Variants in RXRA observed in about 807,000 individuals in gnomAD.
RXRA encodes the protein retinoid X receptor alpha, also known as retinoic acid receptor RXR-alpha.
RXRA carries 5 observed loss-of-function variants against 44.5 expected under a neutral mutation model. The observed-to-expected ratio is 0.11, with a 90% CI of 0.06 to 0.24. The LOEUF is 0.24. Ranked by LOEUF, RXRA falls within the 10% of genes least tolerant of loss-of-function variation. The pLI, the probability that RXRA is intolerant of heterozygous loss-of-function variation, is 1.00. For missense variants in RXRA, 412 were observed against 646.5 expected (o/e 0.64, Z 3.93); for synonymous variants, 291 against 271.4 (o/e 1.07, Z -0.71).
intron 1 of RXRA, among the ~76,000 whole-genome samples, chr9:134,370,836 C>T (rs1830482788): frequency 6.6e-6 from 1 of 152,224 alleles, no homozygotes; most frequent in South Asian, 2.1e-4. Context: ...GATGAGTGCT[C>T]TCACTCCAGG....
At chr9:134,403,521 C>T (rs999642911) in intron 2 of RXRA, 6 of 152,290 alleles carry the variant, frequency 3.9e-5, no homozygotes, top group African/African-American at 1.4e-4. Context: ...GTCCCAGGGC[C>T]CCAGGATGCC....
chr9:134,408,375 A>G (rs950222015), intron 3 of RXRA, 76 bp downstream of exon 3: 11 of 1,445,830 alleles, frequency 7.6e-6, no homozygotes, highest in East Asian at 2.5e-5. Context: ...GCCTCCCCAA[A>G]TCACCCTCCT....
Position 134,328,744 on chromosome 9 carries a change from G to A in RXRA, c.28+2085G>A, listed in dbSNP as rs575757791. Among the ~76,000 whole-genome samples, 7 of 152,264 alleles carry A rather than the reference G, an allele frequency of 4.6e-5. No individual in the cohort carries two copies. The East Asian group carries it at 5.8e-4, about 13-fold the overall frequency. ...CTGGCTTGTCTTGGCCCGGCTGGCC[G>A]ACCGGTCAGACCTGGAGCTGCTGGG... On this transcript the variant is annotated intron_variant, in intron 1 of 9. Coordinates refer to ENST00000481739, the MANE Select transcript of RXRA (RefSeq NM_002957.6).
At position 134,343,665 on chromosome 9, in the gene RXRA, T is replaced by C. The variant is rs565059977; in HGVS notation, c.28+17006T>C. 3.2e-4 allele frequency among the ~76,000 whole-genome samples: 49 copies of C among 152,212 alleles called. No individual in the cohort carries two copies. In the East Asian group the frequency reaches 7.0e-3, roughly 22 times the overall value. On this transcript the variant is annotated intron_variant, in intron 1 of 9. Transcript: ENST00000481739. This position sits in a 1 kb window ranked among gnomAD's most constrained non-coding sequence, Gnocchi z 4.1. ...CCTGCCCTGTCCCCATCTTGCTCAG[T>C]GGCCAGAGGAGAGACCGTGTGCACT... is the stretch of plus-strand genomic sequence containing the variant.
chr9:134,409,255 TG>T (rs1831108428), intron 4 of RXRA, 136 bp downstream of exon 4: 1 of 904,164 alleles, frequency 1.1e-6, no homozygotes, highest in African/African-American at 1.8e-5. Context: ...AAGGCAGGAG[TG>T]GGGGCGGGGC....
rs1215076148 is a variant in RXRA, at chr9:134,342,667, C to T, written c.28+16008C>T. The stretch of plus-strand genomic sequence containing the variant: ...CTGCGGGAGGAGGCCCCTGTGGTTC[C>T]CACAGGGCCATGTGTGGTCTCCAGG... On this transcript the variant is annotated intron_variant, in intron 1 of 9. Transcript: ENST00000481739. This position sits in a 1 kb window ranked among gnomAD's most constrained non-coding sequence, Gnocchi z 4.4. Among the ~76,000 whole-genome samples the T allele has an allele frequency of 6.6e-6, 1 of 152,128 alleles. No individual in the cohort carries two copies. The highest frequency in any genetic ancestry group is 2.4e-5 in the African/African-American group (1 of 41,418).
intron 1 of RXRA, among the ~76,000 whole-genome samples, chr9:134,360,036 G>A (rs994028676): frequency 3.3e-5 from 5 of 152,238 alleles, no homozygotes; most frequent in Admixed American, 6.5e-5. Context: ...AGCGGTAACC[G>A]GAGGGTGGAG....
At chr9:134,408,362 G>C in intron 3 of RXRA, 63 bp downstream of exon 3, 3 of 1,499,144 alleles carry the variant, frequency 2.0e-6, no homozygotes, top group Non-Finnish European at 2.7e-6. Flanking sequence ...GCAGGGTCTG[G>C]AGGCCTCCCC....
intron 6 of RXRA, chr9:134,427,175 A>C (rs1328131078): frequency 2.2e-5 from 22 of 983,442 alleles, no homozygotes; most frequent in South Asian, 9.4e-5. Flanking sequence ...AAAAACAAAA[A>C]AAAAAAAAAG....
At chr9:134,351,816 G>A (rs1164622484) in intron 1 of RXRA, among the ~76,000 whole-genome samples, 1 of 152,374 alleles carries the variant, frequency 6.6e-6, no homozygotes, top group East Asian at 1.9e-4. Flanking sequence ...GATCAGAGGC[G>A]GGTGTGCGGG....
At position 134,408,154 on chromosome 9, in the gene RXRA, C is replaced by T; in HGVS notation, c.285C>T (p.Ser95=). 1 of 1,561,464 alleles carries T rather than the reference C, an allele frequency of 6.4e-7. No homozygotes were observed. Among genetic ancestry groups the T allele is most frequent in the East Asian group, 2.3e-5 (1 of 43,708 alleles). The change falls in exon 3 of 10, where the codon AGC becomes AGT. Residue 95 remains serine (S), a synonymous_variant. Coordinates refer to ENST00000481739, the MANE Select transcript of RXRA (RefSeq NM_002957.6). ...LGFSTGSPQL[S]SPMNPVSSSE... ...GCTGTGGTTGCCCCCCCCAGCTCAG[C>T]TCACCTATGAACCCCGTCAGCAGCA... is the stretch of plus-strand genomic sequence containing the variant.
At chr9:134,392,886 G>A (rs566261595) in intron 1 of RXRA, among the ~76,000 whole-genome samples, 1 of 152,172 alleles carries the variant, frequency 6.6e-6, no homozygotes, top group East Asian at 1.9e-4. Context: ...ACCCGTCCCT[G>A]GGCAGGCACT....
At chr9:134,400,393 G>T (rs1588287922) in intron 1 of RXRA, among the ~76,000 whole-genome samples, 1 of 152,198 alleles carries the variant, frequency 6.6e-6, no homozygotes, top group South Asian at 2.1e-4. Flanking sequence ...GGTCCTGCTC[G>T]ACTCCCCAGA....
intron 5 of RXRA, among the ~76,000 whole-genome samples, chr9:134,420,322 C>T (rs568221545): frequency 2.2e-4 from 33 of 152,320 alleles, no homozygotes; most frequent in Non-Finnish European, 1.0e-4. Context: ...GCCTGGGGGG[C>T]GCTGTGCACA....
chr9:134,357,621 G>C (rs1304226299), intron 1 of RXRA, among the ~76,000 whole-genome samples: 1 of 152,034 alleles, frequency 6.6e-6, no homozygotes, highest in Non-Finnish European at 1.5e-5. Context: ...CCAAGGGTTC[G>C]GCTGTGGTTT....
At position 134,409,019 on chromosome 9, in the gene RXRA, C is replaced by T. The variant is rs774344157; in HGVS notation, c.510C>T (p.Thr170=). 8 of 1,612,024 alleles carry T rather than the reference C, an allele frequency of 5.0e-6. No individual in the cohort carries two copies. In the African/African-American group the frequency reaches 9.3e-5, roughly 19 times the overall value. ...KRTVRKDLTY[T]CRDNKDCLID... is the part of the protein sequence containing the mutation. Reference sequence around the variant, plus strand: ...CGGTGCGCAAGGACCTGACCTACACCTGCCGCGACAACAAGGACTGCCTGA... The same window carrying T: ...CGGTGCGCAAGGACCTGACCTACACTTGCCGCGACAACAAGGACTGCCTGA... Residue 170 remains threonine, a synonymous_variant, in exon 4 of 10, where the codon ACC becomes ACT. Transcript: ENST00000481739.
At chr9:134,359,853 T>G (rs1830328024) in intron 1 of RXRA, among the ~76,000 whole-genome samples, 2 of 152,162 alleles carry the variant, frequency 1.3e-5, no homozygotes, top group South Asian at 4.1e-4. Context: ...GGGGCTTTGC[T>G]CCCGAGATTG....
In RXRA at chr9:134,342,006, G is replaced by A. The variant is rs1298825427; in HGVS notation, c.28+15347G>A. 6.6e-6 allele frequency among the ~76,000 whole-genome samples: 1 copy of A among 152,194 alleles called. No individual in the cohort carries two copies. The highest frequency in any genetic ancestry group is 1.5e-5 in the Non-Finnish European group (1 of 68,026). On this transcript the variant is annotated intron_variant, in intron 1 of 9. Coordinates refer to ENST00000481739, the MANE Select transcript of RXRA (RefSeq NM_002957.6). This position sits in a 1 kb window ranked among gnomAD's most constrained non-coding sequence, Gnocchi z 4.4. ...GGGTCTGTGAAGCCCAACCCTGGGG[G>A]TAGGGGCTGTCAGAGCATCCGGCTA... is the stretch of plus-strand genomic sequence containing the variant.
intron 1 of RXRA, among the ~76,000 whole-genome samples, chr9:134,382,026 C>G (rs1351114376): frequency 6.6e-6 from 1 of 152,120 alleles, no homozygotes; most frequent in Non-Finnish European, 1.5e-5. Context: ...TCCCTGGACC[C>G]AGGAGTTTGG....
Sources: allele counts gnomAD v4.1 joint callset (sites outside exome capture counted in the v4.1 genomes callset), GRCh38; gene constraint gnomAD v4.1.1; non-coding constraint Gnocchi (gnomAD v3.1); transcripts MANE v1.5; gene names NCBI Gene and HGNC (gene_info 2026-07-23, HGNC 2026-07-21).